SLC6A16: variants seen among roughly 807,000 people sequenced by gnomAD.
SLC6A16 encodes orphan sodium- and chloride-dependent neurotransmitter transporter NTT5.
A neutral mutation model predicts 65.4 loss-of-function variants in SLC6A16; 54 were observed. That is an observed-to-expected ratio of 0.83 (90% CI 0.66 to 1.04). The LOEUF (loss-of-function observed/expected upper bound fraction) is 1.04. Ranked by LOEUF, SLC6A16 falls within the 50% of genes least tolerant of loss-of-function variation. SLC6A16 has a pLI of 0.00. For missense variants in SLC6A16, 816 were observed against 914.0 expected, an observed-to-expected ratio of 0.89 and a Z score of 1.38; for synonymous variants, 330 against 346.5, an observed-to-expected ratio of 0.95 and a Z score of 0.53.
At position 49,309,397 on chromosome 19, in the gene SLC6A16, C is replaced by A; in HGVS notation, c.891G>T (p.Leu297Phe). ...LKSTGKVIYV[L>F]VLLPCFIIVG... ...CAATGATGAAACAGGGGAGCAGTAC[C>A]AAGACATAGATTACCTGAATCGAGA... The change falls in exon 6 of 12, where the codon TTG (leucine) becomes TTT (phenylalanine). Residue 297 changes from leucine to phenylalanine, a missense_variant. Physicochemically the swap from Leu to Phe is conservative, Grantham distance 22 (BLOSUM62 0). Transcript: ENST00000335875. The A allele has an allele frequency of 6.2e-7, 1 of 1,613,298 alleles. No individual in the cohort carries two copies. The highest frequency in any genetic ancestry group is 8.5e-7 in the Non-Finnish European group (1 of 1,179,370).
Position 49,294,233 on chromosome 19 carries a change from A to G in SLC6A16, c.1416+134T>C, listed in dbSNP as rs78110266. 9.4e-6 allele frequency: 9 copies of G among 953,940 alleles called. 1 individual carries two copies. In the East Asian group the frequency reaches 2.3e-4, roughly 25 times the overall value. 59.1% of individuals were successfully genotyped at this position (953,940 alleles called of 1,614,324 possible). On this transcript the variant is annotated intron_variant, in intron 8 of 11. Coordinates refer to ENST00000335875, the MANE Select transcript of SLC6A16 (RefSeq NM_014037.3). Reference sequence around the variant, plus strand: ...GGAAGGCCATTCCGCAAAGTATAGTACTTTGTATTACTGAGAGCCACAGAT... The same window carrying G: ...GGAAGGCCATTCCGCAAAGTATAGTGCTTTGTATTACTGAGAGCCACAGAT...
At chr19:49,338,682 C>T in the SLC6A16 span, 42 of 1,583,800 alleles carry the variant, frequency 2.7e-5, no homozygotes, top group African/African-American at 5.2e-4. This position sits in a 1 kb window ranked among gnomAD's most constrained non-coding sequence, Gnocchi z 5.0. Flanking sequence ...GTCCCTCTGA[C>T]TCGTATCCCT....
At chr19:49,295,727 A>G (rs1409971439) in intron 7 of SLC6A16, among the ~76,000 whole-genome samples, 2 of 152,218 alleles carry the variant, frequency 1.3e-5, no homozygotes, top group Non-Finnish European at 2.9e-5. Context: ...CTGGACCTGC[A>G]GTTTCCAATT....
At chr19:49,305,592 CAAA>C (rs566209079) in intron 7 of SLC6A16, among the ~76,000 whole-genome samples, 3 of 107,024 alleles carry the variant, frequency 2.8e-5, no homozygotes, top group African/African-American at 3.8e-5. Flanking sequence ...AGATCTGTCT[CAAA>C]AAAAAAAAAA....
In SLC6A16 at chr19:49,310,475, G is replaced by C. The variant is rs1414851126; in HGVS notation, c.451C>G (p.Leu151Val). The change falls in exon 3 of 12, where the codon CTG becomes GTG. Residue 151 changes from leucine to valine, a missense_variant. By Grantham distance (32) the Leu-to-Val change is conservative. Transcript: ENST00000335875. ...FAAIYIFMLF[L>V]VGVPLLFLEM... ...AGGAAGAGAAGAGGAACCCCGACCAGGAACAGCATGAAGATGTAGATGGCA... is the reference window on the plus strand; with the variant it reads ...AGGAAGAGAAGAGGAACCCCGACCACGAACAGCATGAAGATGTAGATGGCA... 4.3e-6 allele frequency: 7 copies of C among 1,614,152 alleles called. No homozygotes were observed. Among genetic ancestry groups the C allele is most frequent in the Non-Finnish European group, 5.9e-6 (7 of 1,180,036 alleles).
the SLC6A16 span, among the ~76,000 whole-genome samples, chr19:49,331,011 C>T: frequency 6.6e-6 from 1 of 151,928 alleles, no homozygotes; most frequent in East Asian, 1.9e-4. Flanking sequence ...TATTCGCTTC[C>T]CGAGACTGCT....
chr19:49,316,379 C>T (rs1244650833), intron 1 of SLC6A16, among the ~76,000 whole-genome samples: 4 of 152,036 alleles, frequency 2.6e-5, no homozygotes, highest in Non-Finnish European at 4.4e-5. Context: ...GAGCCACAGA[C>T]CTGTATAGAA....
At chr19:49,330,490 G>A in the SLC6A16 span, among the ~76,000 whole-genome samples, 3 of 152,134 alleles carry the variant, frequency 2.0e-5, no homozygotes, top group Non-Finnish European at 4.4e-5. Context: ...GAAAAAGGAC[G>A]ATCCAATGAA....
At position 49,318,657 on chromosome 19, in the gene SLC6A16, G is replaced by A. The variant is rs541932317; in HGVS notation, c.-65+6391C>T. Among the ~76,000 whole-genome samples the A allele has an allele frequency of 1.1e-4, 16 of 152,218 alleles. 1 individual carries two copies. In the South Asian group the frequency reaches 1.2e-3, roughly 12 times the overall value. ...CTTAATATGGTCAAGGACTTAAAAG[G>A]AAAACATGAACAGAATGAGGAATAT... is the stretch of plus-strand genomic sequence containing the variant. On this transcript the variant is annotated intron_variant, in intron 1 of 11. Coordinates refer to ENST00000335875, the MANE Select transcript of SLC6A16 (RefSeq NM_014037.3).
intron 7 of SLC6A16, among the ~76,000 whole-genome samples, chr19:49,300,265 G>A (rs1447130862): frequency 6.6e-6 from 1 of 152,122 alleles, no homozygotes; most frequent in African/African-American, 2.4e-5. Flanking sequence ...TTGAACCCAG[G>A]AGGCAAAGGA....
the SLC6A16 span, chr19:49,338,049 T>G: frequency 4.3e-6 from 7 of 1,611,510 alleles, no homozygotes; most frequent in Non-Finnish European, 5.9e-6. This position sits in a 1 kb window ranked among gnomAD's most constrained non-coding sequence, Gnocchi z 5.0. Context: ...CCTCCTCCAG[T>G]TCCCTCCCGG....
rs566711917 is a variant in SLC6A16, at chr19:49,294,513, G to A, written c.1270C>T (p.Leu424=). 530 of 1,613,282 alleles carry A rather than the reference G, an allele frequency of 3.3e-4. 2 individuals carry two copies. The South Asian group carries it at 5.5e-3, about 17-fold the overall frequency. The change falls in exon 8 of 12, where the codon CTG becomes TTG. Residue 424 remains leucine, a synonymous_variant. Coordinates refer to ENST00000335875, the MANE Select transcript of SLC6A16 (RefSeq NM_014037.3). Reference sequence around the variant, plus strand: ...ACAGGGGGCTTGGCATCAGGAGGCAGTTTCCCTAGGTTTATCAGCTTTAAA... The same window carrying A: ...ACAGGGGGCTTGGCATCAGGAGGCAATTTCCCTAGGTTTATCAGCTTTAAA... ...ILLKLINLGK[L]PPDAKPPVNL...
In SLC6A16 at chr19:49,296,907, T is replaced by C. The variant is rs771688446; in HGVS notation, c.1230-2354A>G. 5.9e-5 allele frequency among the ~76,000 whole-genome samples: 9 copies of C among 152,120 alleles called. No individual in the cohort carries two copies. The East Asian group carries it at 1.7e-3, about 29-fold the overall frequency. On this transcript the variant is annotated intron_variant, in intron 7 of 11. Transcript: ENST00000335875. ...GGGAGACTGAGACGGGAGAATCACT[T>C]GAGCCTGGGAGGCAGAGGCTGCAGT...
At chr19:49,305,941 T>G (rs921563325) in intron 7 of SLC6A16, 3 of 152,104 alleles carry the variant, frequency 2.0e-5, no homozygotes, top group African/African-American at 7.2e-5. Context: ...ATGTTATCAA[T>G]AGTTGAATGG....
upstream of SLC6A16, among the ~76,000 whole-genome samples, chr19:49,328,791 C>T (rs182386435): frequency 1.6e-4 from 25 of 152,312 alleles, no homozygotes; most frequent in Non-Finnish European, 2.5e-4. Flanking sequence ...ATTGCTGTTT[C>T]TTACTTGCCC....
rs941532208 is a variant in SLC6A16 at position 49,323,015 on chromosome 19, T to A, written c.-65+2033A>T. ...AAGCTATAGTAATCAAAATAGTGTG[T>A]TACTCACATAAAGATACAGACCAAG... On this transcript the variant is annotated intron_variant, in intron 1 of 11. Coordinates refer to ENST00000335875, the MANE Select transcript of SLC6A16 (RefSeq NM_014037.3). Among the ~76,000 whole-genome samples the A allele has an allele frequency of 2.0e-5, 3 of 151,834 alleles. No individual in the cohort carries two copies. The South Asian group carries it at 6.2e-4, about 32-fold the overall frequency.
In SLC6A16 at chr19:49,290,589, C is replaced by G; in HGVS notation, c.1941+16G>C. The stretch of plus-strand genomic sequence containing the variant: ...CCCTACTCCCAAAGGGGTTCTGGGT[C>G]CTGGGGGAGGCTCACGGTGCTTGAG... On this transcript the variant is annotated intron_variant, in intron 11 of 11. Coordinates refer to ENST00000335875, the MANE Select transcript of SLC6A16 (RefSeq NM_014037.3). 1 of 1,613,850 alleles carries G rather than the reference C, an allele frequency of 6.2e-7. No individual in the cohort carries two copies. Among genetic ancestry groups the G allele is most frequent in the East Asian group, 2.2e-5 (1 of 44,868 alleles).
In SLC6A16 at chr19:49,313,072, C is replaced by CAAAAAAAAAAA. The variant is rs5828385; in HGVS notation, c.-64-1672_-64-1662dup. Among the ~76,000 whole-genome samples the CAAAAAAAAAAA allele has an allele frequency of 7.6e-4, 73 of 95,772 alleles. 3 individuals carry two copies. The highest frequency in any genetic ancestry group is 3.2e-3 in the African/African-American group (61 of 18,972). The allele number at this position is 95,772 out of a possible 152,430, so 62.8% of individuals were successfully genotyped here. A position where few individuals can be genotyped will look rare whatever the true frequency, so the allele number is the denominator to read the frequency against. ...CACTCCAGCCTGGGCAACCCTGTCT[C>CAAAAAAAAAAA]AAAAAAAAAAAAAAAAAAAAAAAGA... On this transcript the variant is annotated intron_variant, in intron 1 of 11. Transcript: ENST00000335875.
At chr19:49,324,903 G>T in intron 1 of SLC6A16, 145 bp downstream of exon 1, 1 of 312,886 alleles carries the variant, frequency 3.2e-6, no homozygotes, top group Non-Finnish European at 4.6e-6. Flanking sequence ...CAGCTCCACA[G>T]AGCCCAGGGC....
Sources: allele counts gnomAD v4.1 joint callset (sites outside exome capture counted in the v4.1 genomes callset), GRCh38; gene constraint gnomAD v4.1.1; non-coding constraint Gnocchi (gnomAD v3.1); transcripts MANE v1.5; gene names NCBI Gene and HGNC (gene_info 2026-07-23, HGNC 2026-07-21).